The following RGS5 variants were observed in gnomAD, a reference collection of about 807,000 sequenced individuals.
RGS5 encodes the protein regulator of G-protein signalling 5.
Under a neutral mutation model 18.9 loss-of-function variants are expected in RGS5, and 20 were observed. The ratio of observed to expected loss-of-function variants is 1.06; its 90% CI spans 0.74 to 1.54. The LOEUF (loss-of-function observed/expected upper bound fraction) is 1.54, where lower values mean the gene tolerates loss of function less well. Among genes scored for constraint, RGS5 ranks in the 40% most tolerant of loss-of-function variants. The pLI is 0.00. For synonymous variants in RGS5, 57 were observed against 76.2 expected, an observed-to-expected ratio of 0.75 and a Z score of 1.31; for missense variants, 201 against 211.8, an observed-to-expected ratio of 0.95 and a Z score of 0.32.
chr1:163,271,510 T>G (rs556217266), intron 2 of RGS5, among the ~76,000 whole-genome samples: 12 of 152,294 alleles, frequency 7.9e-5, no homozygotes, highest in Admixed American at 6.5e-4. Context: ...ATCCTGATCT[T>G]GAACTCTGCA....
intron 2 of RGS5, among the ~76,000 whole-genome samples, chr1:163,249,799 T>C (rs111264815): frequency 0.066 from 9,973 of 151,864 alleles, 360 homozygotes; most frequent in Middle Eastern, 0.13. Flanking sequence ...TCAAAATAAA[T>C]CAATAAAATA....
At chr1:163,223,913 GTTTTA>G (rs933957670) in intron 2 of RGS5, among the ~76,000 whole-genome samples, 2 of 151,920 alleles carry the variant, frequency 1.3e-5, no homozygotes, top group African/African-American at 2.4e-5. Context: ...GGCTTTTTGA[GTTTTA>G]TTTTGTTTTT....
intron 2 of RGS5, among the ~76,000 whole-genome samples, chr1:163,253,757 G>A (rs543865227): frequency 5.2e-4 from 79 of 151,098 alleles, no homozygotes; most frequent in East Asian, 3.5e-3. Flanking sequence ...CCATTAACTC[G>A]TCATTTAGCA....
At chr1:163,226,844 C>T (rs1647346748) in intron 2 of RGS5, among the ~76,000 whole-genome samples, 1 of 152,168 alleles carries the variant, frequency 6.6e-6, no homozygotes, top group Non-Finnish European at 1.5e-5. Flanking sequence ...CTTCTTTACT[C>T]CATAAGTACG....
chr1:163,147,918 C>CTTTTTTTTCTTTTTTTTTT (rs3065035), intron 4 of RGS5, among the ~76,000 whole-genome samples: 1,490 of 78,138 alleles, frequency 0.019, 2 homozygotes, highest in Non-Finnish European at 0.022. Flanking sequence ...TTTTCTTTTT[C>CTTTTTTTTCTTTTTTTTTT]TTTTTTTTTT....
intron 2 of RGS5, among the ~76,000 whole-genome samples, chr1:163,294,007 A>G (rs1411687624): frequency 6.6e-6 from 1 of 152,194 alleles, no homozygotes; most frequent in African/African-American, 2.4e-5. Flanking sequence ...GTGGCTCTGC[A>G]GAGTATAGCC....
At chr1:163,309,535 T>C (rs564109282) in intron 1 of RGS5, among the ~76,000 whole-genome samples, 1 of 152,200 alleles carries the variant, frequency 6.6e-6, no homozygotes, top group Admixed American at 6.5e-5. Context: ...CAACTCGTCA[T>C]CCATTCAAGT....
chr1:163,238,632 G>A (rs993994179), intron 2 of RGS5: 1 of 240,726 alleles, frequency 4.2e-6, no homozygotes. Flanking sequence ...CGCTTGGGTG[G>A]AATATCAGGA....
Position 163,161,995 on chromosome 1 carries a change from G to A in RGS5, c.156-19C>T. 1 of 1,595,426 alleles carries A rather than the reference G, an allele frequency of 6.3e-7. No individual in the cohort carries two copies. Among genetic ancestry groups the A allele is most frequent in the Non-Finnish European group, 8.6e-7 (1 of 1,163,206 alleles). On this transcript the variant is annotated intron_variant, in intron 2 of 4. Transcript: ENST00000313961. ...CGAGGTTCTACATCAATAATAAGGA[G>A]AGAAAAGGGGTATGGCGTAAGTAGG...
intron 2 of RGS5, among the ~76,000 whole-genome samples, chr1:163,233,987 G>A (rs367726282): frequency 6.6e-6 from 1 of 152,128 alleles, no homozygotes; most frequent in African/African-American, 2.4e-5. Context: ...GGATGTATAC[G>A]TGCAGGTCAC....
exon 2 of RGS5, chr1:163,306,318 A>T (rs909139522): frequency 6.6e-6 from 1 of 152,216 alleles, no homozygotes; most frequent in African/African-American, 2.4e-5. Context: ...GTGCTTTTTA[A>T]GCGCTCTGTT....
intron 1 of RGS5, among the ~76,000 whole-genome samples, chr1:163,309,765 T>C (rs1475383706): frequency 1.3e-5 from 2 of 152,200 alleles, no homozygotes; most frequent in East Asian, 1.9e-4. Flanking sequence ...TCTAGAATGG[T>C]GAATCCTTTC....
At chr1:163,167,306 G>A (rs962720197) in intron 2 of RGS5, among the ~76,000 whole-genome samples, 6 of 152,178 alleles carry the variant, frequency 3.9e-5, no homozygotes, top group East Asian at 1.9e-4. Flanking sequence ...ATAGCAGAGC[G>A]AAGGAATTTG....
At chr1:163,159,634 T>G (rs1657721183) in intron 3 of RGS5, among the ~76,000 whole-genome samples, 1 of 152,172 alleles carries the variant, frequency 6.6e-6, no homozygotes, top group South Asian at 2.1e-4. Context: ...AGTGTCCCTT[T>G]CAAGGAAAGC....
chr1:163,266,120 C>T (rs1369727394), intron 2 of RGS5, among the ~76,000 whole-genome samples: 1 of 145,310 alleles, frequency 6.9e-6, no homozygotes, highest in African/African-American at 2.5e-5. Context: ...ACCCCATCAA[C>T]CTCAGAGGGA....
intron 1 of RGS5, among the ~76,000 whole-genome samples, chr1:163,314,893 G>A (rs957321747): frequency 6.6e-6 from 1 of 152,072 alleles, no homozygotes; most frequent in Non-Finnish European, 1.5e-5. Flanking sequence ...AAGCTGCCAG[G>A]GCCTTGATCT....
At chr1:163,150,952 A>G (rs1291668300) in intron 4 of RGS5, among the ~76,000 whole-genome samples, 4 of 152,176 alleles carry the variant, frequency 2.6e-5, no homozygotes, top group African/African-American at 7.2e-5. Flanking sequence ...TGCCTACTCA[A>G]CAAGGCTTGC....
intron 1 of RGS5, among the ~76,000 whole-genome samples, chr1:163,209,319 T>C (rs568952678): frequency 6.6e-6 from 1 of 152,300 alleles, no homozygotes; most frequent in East Asian, 1.9e-4. Context: ...CTGTTTTAAT[T>C]ATGCGAGATT....
At chr1:163,170,143 T>C (rs1295521693) in intron 1 of RGS5, among the ~76,000 whole-genome samples, 1 of 152,216 alleles carries the variant, frequency 6.6e-6, no homozygotes, top group Admixed American at 6.5e-5. Flanking sequence ...CCCAAAAAGC[T>C]ACCCTTTCCC....
Sources: gnomAD v4.1 joint callset for allele counts (sites outside exome capture counted in the v4.1 genomes callset) on GRCh38, gnomAD v4.1.1 for gene constraint, MANE v1.5 for transcripts, NCBI Gene and HGNC (gene_info 2026-07-23, HGNC 2026-07-21) for gene names.